IGSF11: variants seen among roughly 807,000 people sequenced by gnomAD.
The protein encoded by IGSF11 is CXADR like 1.
IGSF11 carries 22 observed loss-of-function variants against 41.0 expected under a neutral mutation model. The observed-to-expected ratio is 0.54, with a 90% CI of 0.38 to 0.77. IGSF11 has a LOEUF of 0.77. IGSF11 is among the 30% of genes least tolerant of loss of function. The pLI, the probability that IGSF11 is intolerant of heterozygous loss-of-function variation, is 0.00. For missense variants in IGSF11, 444 were observed against 530.8 expected, an observed-to-expected ratio of 0.84 and a Z score of 1.61; for synonymous variants, 219 against 201.3, an observed-to-expected ratio of 1.09 and a Z score of -0.74.
At chr3:118,940,722 G>A (rs1441363458) in intron 1 of IGSF11, among the ~76,000 whole-genome samples, 2 of 151,550 alleles carry the variant, frequency 1.3e-5, no homozygotes, top group Non-Finnish European at 3.0e-5. Context: ...TAATTTTCAA[G>A]AAAAAAAGTA....
intron 1 of IGSF11, among the ~76,000 whole-genome samples, chr3:119,018,670 G>A (rs569779426): frequency 6.6e-6 from 1 of 152,254 alleles, no homozygotes; most frequent in South Asian, 2.1e-4. Flanking sequence ...TATCTCACGG[G>A]CTTAATGATT....
intron 1 of IGSF11, among the ~76,000 whole-genome samples, chr3:118,979,837 G>A (rs1934522476): frequency 1.3e-5 from 2 of 151,970 alleles, no homozygotes; most frequent in Non-Finnish European, 2.9e-5. Flanking sequence ...TTAATAGCAT[G>A]TAAAAAGAGT....
intron 4 of IGSF11, chr3:118,925,829 A>C (rs1047440429): frequency 4.9e-6 from 1 of 202,988 alleles, no homozygotes; most frequent in African/African-American, 2.3e-5. Context: ...TAACACAAAG[A>C]AGCTATCATT....
intron 1 of IGSF11, among the ~76,000 whole-genome samples, chr3:119,018,330 T>C (rs1261311927): frequency 6.6e-6 from 1 of 152,194 alleles, no homozygotes; most frequent in Non-Finnish European, 1.5e-5. Flanking sequence ...TTCATAGTGC[T>C]TAAGTTTCTA....
intron 1 of IGSF11, among the ~76,000 whole-genome samples, chr3:118,939,332 T>C (rs1232577195): frequency 6.6e-6 from 1 of 152,118 alleles, no homozygotes; most frequent in Non-Finnish European, 1.5e-5. Flanking sequence ...TCCCAGCACT[T>C]TGGGACGCCA....
intron 1 of IGSF11, among the ~76,000 whole-genome samples, chr3:119,059,746 G>T (rs191362131): frequency 1.3e-5 from 2 of 151,976 alleles, no homozygotes; most frequent in Admixed American, 1.3e-4. Context: ...TTGATTTTCA[G>T]TGGAAAGTAG....
intron 1 of IGSF11, among the ~76,000 whole-genome samples, chr3:119,047,955 C>T (rs1941439039): frequency 6.6e-6 from 1 of 152,036 alleles, no homozygotes; most frequent in Non-Finnish European, 1.5e-5. Context: ...CCAACGAGAA[C>T]AAAGACATGA....
chr3:118,957,776 GC>G (rs1945067403), intron 1 of IGSF11, among the ~76,000 whole-genome samples: 1 of 152,188 alleles, frequency 6.6e-6, no homozygotes, highest in Admixed American at 6.5e-5. Flanking sequence ...GCCAGCAGAG[GC>G]TTAAGCAGAA....
intron 1 of IGSF11, among the ~76,000 whole-genome samples, chr3:119,044,427 A>T (rs1941239062): frequency 6.6e-6 from 1 of 152,020 alleles, no homozygotes; most frequent in African/African-American, 2.4e-5. Flanking sequence ...TTAAATGACC[A>T]AACATAAGAA....
intron 1 of IGSF11, among the ~76,000 whole-genome samples, chr3:119,142,341 C>T (rs1327551044): frequency 6.7e-6 from 1 of 150,228 alleles, no homozygotes; most frequent in Non-Finnish European, 1.5e-5. Context: ...TGCATGCCCA[C>T]GGAATGATGC....
At position 119,000,533 on chromosome 3, in the gene IGSF11, T is replaced by C. The variant is rs542862362; in HGVS notation, c.52+33998A>G. On this transcript the variant is annotated intron_variant, in intron 1 of 6. Transcript: ENST00000393775. ...TTAGTCATCCTTGACTATTCTTTTTTTTTTTTCGTATGGCATGCATCAGAT... is the reference window on the plus strand; with the variant it reads ...TTAGTCATCCTTGACTATTCTTTTTCTTTTTTCGTATGGCATGCATCAGAT... 5.3e-5 allele frequency among the ~76,000 whole-genome samples: 8 copies of C among 152,088 alleles called. No individual in the cohort carries two copies. In the East Asian group the frequency reaches 1.5e-3, roughly 29 times the overall value.
intron 1 of IGSF11, among the ~76,000 whole-genome samples, chr3:119,116,831 C>T (rs1215217231): frequency 3.9e-5 from 6 of 152,094 alleles, no homozygotes; most frequent in African/African-American, 7.2e-5. Context: ...CCCATGTCTC[C>T]ACCTGGACCT....
chr3:119,070,964 T>C (rs192087241), intron 1 of IGSF11, among the ~76,000 whole-genome samples: 1 of 152,320 alleles, frequency 6.6e-6, no homozygotes, highest in East Asian at 1.9e-4. Flanking sequence ...GTGAACATAC[T>C]TTTGGCCTAC....
intron 1 of IGSF11, among the ~76,000 whole-genome samples, chr3:119,057,669 A>G (rs1941900431): frequency 6.6e-6 from 1 of 152,238 alleles, no homozygotes; most frequent in Non-Finnish European, 1.5e-5. Flanking sequence ...TGACAAGTCA[A>G]TCCTAAGCCA....
At chr3:118,964,077 T>C (rs1265430567) in intron 1 of IGSF11, among the ~76,000 whole-genome samples, 3 of 152,090 alleles carry the variant, frequency 2.0e-5, no homozygotes, top group Non-Finnish European at 1.5e-5. Context: ...CATCTACCCA[T>C]CCCCACCCCC....
intron 1 of IGSF11, among the ~76,000 whole-genome samples, chr3:119,081,777 T>A (rs1039786552): frequency 6.6e-6 from 1 of 152,228 alleles, no homozygotes; most frequent in African/African-American, 2.4e-5. Context: ...AAGATTTAAA[T>A]CTTATTCCTT....
chr3:118,983,707 C>G (rs1284834985), intron 1 of IGSF11, among the ~76,000 whole-genome samples: 1 of 152,108 alleles, frequency 6.6e-6, no homozygotes, highest in Non-Finnish European at 1.5e-5. Context: ...TACACAGAGC[C>G]AGTATTTAAT....
chr3:118,950,536 T>C (rs1576460198), intron 1 of IGSF11, among the ~76,000 whole-genome samples: 1 of 152,014 alleles, frequency 6.6e-6, no homozygotes, highest in Non-Finnish European at 1.5e-5. Flanking sequence ...TTTCTCCTAG[T>C]GGGTGAAAAA....
chr3:119,101,821 T>C (rs1251138304), intron 1 of IGSF11, among the ~76,000 whole-genome samples: 1 of 152,270 alleles, frequency 6.6e-6, no homozygotes, highest in African/African-American at 2.4e-5. Context: ...GACTCCACAG[T>C]ATCAACAATG....
Sources: gnomAD v4.1 joint callset for allele counts (sites outside exome capture counted in the v4.1 genomes callset) on GRCh38, gnomAD v4.1.1 for gene constraint, MANE v1.5 for transcripts, NCBI Gene and HGNC (gene_info 2026-07-23, HGNC 2026-07-21) for gene names.